Variants in LRRTM4 observed in about 807,000 individuals in gnomAD.
LRRTM4 encodes the protein leucine-rich repeat transmembrane neuronal protein 4.
In LRRTM4, 25 loss-of-function variants were observed where a neutral mutation model predicts 47.6. The observed-to-expected ratio is 0.53, with a 90% CI of 0.38 to 0.73. The LOEUF (loss-of-function observed/expected upper bound fraction) is 0.73, where lower values mean the gene tolerates loss of function less well. Ranked by LOEUF, LRRTM4 falls within the 30% of genes least tolerant of loss-of-function variation. The pLI is 0.00. For missense variants in LRRTM4, 638 were observed against 713.4 expected (o/e 0.89, Z 1.20); for synonymous variants, 311 against 269.5 (o/e 1.15, Z -1.51).
chr2:76,772,678 C>G (rs552571782), intron 3 of LRRTM4, among the ~76,000 whole-genome samples: 3 of 152,128 alleles, frequency 2.0e-5, no homozygotes, highest in African/African-American at 7.2e-5. Context: ...ACAGTAGTGC[C>G]CACTTATTCA....
At chr2:76,782,499 AACAGGAGGTG>A (rs762589533) in intron 3 of LRRTM4, among the ~76,000 whole-genome samples, 7 of 152,208 alleles carry the variant, frequency 4.6e-5, no homozygotes, top group Non-Finnish European at 8.8e-5. Context: ...CTGCAATAGC[AACAGGAGGTG>A]ACTATGAATT....
chr2:76,954,433 TA>T (rs1262985508), intron 3 of LRRTM4, among the ~76,000 whole-genome samples: 1 of 151,652 alleles, frequency 6.6e-6, no homozygotes, highest in African/African-American at 2.4e-5. Flanking sequence ...CTACAGTTTC[TA>T]GATCAATCCA....
intron 3 of LRRTM4, among the ~76,000 whole-genome samples, chr2:76,906,090 C>T (rs1673827460): frequency 6.6e-6 from 1 of 152,076 alleles, no homozygotes; most frequent in Non-Finnish European, 1.5e-5. Flanking sequence ...TAAGGGCAGC[C>T]AGAGAGAAAG....
intron 3 of LRRTM4, among the ~76,000 whole-genome samples, chr2:77,395,100 T>C (rs2103822608): frequency 6.6e-6 from 1 of 152,034 alleles, no homozygotes; most frequent in Admixed American, 6.6e-5. Flanking sequence ...GTTTATACTT[T>C]GGCATCTTAC....
chr2:77,381,767 T>C lies in LRRTM4; in HGVS notation c.1551+136551A>G, dbSNP rs375321151. On this transcript the variant is annotated intron_variant, in intron 3 of 3. Coordinates refer to ENST00000409884, the MANE Select transcript of LRRTM4 (RefSeq NM_001134745.3). ...AAATAATATCCATTAAACCCACTTC[T>C]AGATATTTATTCTACAGCTACACAT... Among the ~76,000 whole-genome samples, 3 of 152,038 alleles carry C rather than the reference T, an allele frequency of 2.0e-5. No homozygotes were observed. In the East Asian group the frequency reaches 5.8e-4, roughly 29 times the overall value.
chr2:77,508,184 C>G (rs1212607419), intron 3 of LRRTM4, among the ~76,000 whole-genome samples: 1 of 152,056 alleles, frequency 6.6e-6, no homozygotes, highest in Admixed American at 6.6e-5. Flanking sequence ...GTTAAACTTT[C>G]CCCCAGCCTT....
chr2:76,801,664 T>TAA (rs770583956), intron 3 of LRRTM4, among the ~76,000 whole-genome samples: 1 of 145,636 alleles, frequency 6.9e-6, no homozygotes, highest in South Asian at 2.2e-4. Context: ...TAAAGTATAA[T>TAA]AAAAAAAAAA....
intron 3 of LRRTM4, among the ~76,000 whole-genome samples, chr2:77,316,508 C>A (rs1677622123): frequency 6.6e-6 from 1 of 151,564 alleles, no homozygotes; most frequent in African/African-American, 2.4e-5. Flanking sequence ...ACATATACTC[C>A]TATATACCAG....
At chr2:77,152,032 G>T (rs1472613335) in intron 3 of LRRTM4, among the ~76,000 whole-genome samples, 1 of 152,158 alleles carries the variant, frequency 6.6e-6, no homozygotes, top group Non-Finnish European at 1.5e-5. Context: ...CTGCAAAGAA[G>T]AATATTAAAA....
chr2:77,166,840 A>C (rs1205065452), intron 3 of LRRTM4, among the ~76,000 whole-genome samples: 1 of 152,216 alleles, frequency 6.6e-6, no homozygotes, highest in Non-Finnish European at 1.5e-5. Context: ...TTACACCTAA[A>C]ACCATAAAAA....
intron 3 of LRRTM4, among the ~76,000 whole-genome samples, chr2:76,823,997 A>T (rs1442596740): frequency 6.7e-6 from 1 of 149,420 alleles, no homozygotes; most frequent in African/African-American, 2.5e-5. Flanking sequence ...TCAGTGACAG[A>T]GAGAAATTTG....
intron 3 of LRRTM4, among the ~76,000 whole-genome samples, chr2:76,844,541 G>C (rs181038248): frequency 6.6e-6 from 1 of 152,134 alleles, no homozygotes; most frequent in African/African-American, 2.4e-5. Context: ...ATCAGCAAAA[G>C]TTAAATGAAA....
chr2:76,995,439 A>G (rs922472386), intron 3 of LRRTM4, among the ~76,000 whole-genome samples: 3 of 152,034 alleles, frequency 2.0e-5, no homozygotes, highest in Admixed American at 6.6e-5. Flanking sequence ...CCATATAGCT[A>G]TCTCAGTGAA....
chr2:77,289,853 A>C (rs1676771896), intron 3 of LRRTM4, among the ~76,000 whole-genome samples: 1 of 151,994 alleles, frequency 6.6e-6, no homozygotes. Context: ...CATGTTTCTC[A>C]AAATAGTGTC....
chr2:77,442,812 G>A (rs775353312), intron 3 of LRRTM4, among the ~76,000 whole-genome samples: 3 of 152,132 alleles, frequency 2.0e-5, no homozygotes, highest in South Asian at 2.1e-4. Flanking sequence ...TATATTAGCT[G>A]AAAGATATTC....
At chr2:77,230,979 C>T (rs915971270) in intron 3 of LRRTM4, among the ~76,000 whole-genome samples, 9 of 152,034 alleles carry the variant, frequency 5.9e-5, no homozygotes, top group African/African-American at 1.4e-4. Flanking sequence ...AGAAAATGCT[C>T]GGTGAAGCTT....
chr2:77,128,640 TTA>T (rs1671716086), intron 3 of LRRTM4, among the ~76,000 whole-genome samples: 1 of 152,154 alleles, frequency 6.6e-6, no homozygotes, highest in Non-Finnish European at 1.5e-5. Context: ...GAAAGAAGAA[TTA>T]TGCTGATGAG....
At chr2:77,426,807 A>G (rs975002290) in intron 3 of LRRTM4, among the ~76,000 whole-genome samples, 1 of 68,092 alleles carries the variant, frequency 1.5e-5, no homozygotes, top group Non-Finnish European at 3.3e-5. Flanking sequence ...AGGTGTATGC[A>G]CACACACACA....
intron 3 of LRRTM4, among the ~76,000 whole-genome samples, chr2:77,389,745 C>T (rs1673425307): frequency 6.6e-6 from 1 of 152,008 alleles, no homozygotes; most frequent in African/African-American, 2.4e-5. Flanking sequence ...CATCACCCCA[C>T]AAGCAGGAAA....
Sources: allele counts gnomAD v4.1 joint callset (sites outside exome capture counted in the v4.1 genomes callset), GRCh38; gene constraint gnomAD v4.1.1; transcripts MANE v1.5; gene names NCBI Gene and HGNC (gene_info 2026-07-23, HGNC 2026-07-21).